AIG1: variants seen among roughly 807,000 people sequenced by gnomAD.
AIG1 encodes androgen induced 1.
AIG1 carries 23 observed loss-of-function variants against 31.4 expected under a neutral mutation model. The observed-to-expected ratio is 0.73, with a 90% CI of 0.53 to 1.04. AIG1 has a LOEUF of 1.04. AIG1 is among the 50% of genes least tolerant of loss of function. The probability of loss-of-function intolerance (pLI) is 0.00; values close to 1 mark genes in which losing one functional copy is unlikely to be tolerated. For missense variants in AIG1, 274 were observed against 295.0 expected (o/e 0.93, Z 0.52); for synonymous variants, 100 against 110.5 (o/e 0.90, Z 0.60).
intron 3 of AIG1, among the ~76,000 whole-genome samples, chr6:143,186,113 G>A (rs1789237328): frequency 6.6e-6 from 1 of 152,186 alleles, no homozygotes; most frequent in South Asian, 2.1e-4. Flanking sequence ...GCTGGGAGTG[G>A]ACCATTCAGG....
At chr6:143,185,065 G>A (rs1454979088) in intron 3 of AIG1, among the ~76,000 whole-genome samples, 3 of 151,894 alleles carry the variant, frequency 2.0e-5, no homozygotes, top group South Asian at 2.1e-4. Flanking sequence ...GTGTGGTGGT[G>A]CACGCCTGTA....
intron 2 of AIG1, among the ~76,000 whole-genome samples, chr6:143,155,737 T>C (rs933895702): frequency 1.3e-5 from 2 of 152,124 alleles, no homozygotes; most frequent in African/African-American, 4.8e-5. Context: ...ATACTTCAAG[T>C]GTGTGATGAG....
At chr6:143,295,260 C>T (rs1411673238) in intron 4 of AIG1, among the ~76,000 whole-genome samples, 1 of 152,146 alleles carries the variant, frequency 6.6e-6, no homozygotes, top group African/African-American at 2.4e-5. Flanking sequence ...CACTATGGTC[C>T]AAGCCTCAGT....
chr6:143,065,507 G>A (rs1434897884), intron 1 of AIG1, among the ~76,000 whole-genome samples: 1 of 152,058 alleles, frequency 6.6e-6, no homozygotes, highest in Non-Finnish European at 1.5e-5. Flanking sequence ...ATTATGCTGT[G>A]TGTTACATGA....
Position 143,256,301 on chromosome 6 carries a change from GGAAAAA to G in AIG1, c.400-27803_400-27798del, listed in dbSNP as rs1405384484. Among the ~76,000 whole-genome samples, 1 of 152,150 alleles carries G rather than the reference GGAAAAA, an allele frequency of 6.6e-6. No individual in the cohort carries two copies. Among genetic ancestry groups the G allele is most frequent in the Non-Finnish European group, 1.5e-5 (1 of 68,014 alleles). On this transcript the variant is annotated intron_variant, in intron 3 of 5. Transcript: ENST00000357847. The surrounding 1 kb of genome is among the most constrained non-coding windows in gnomAD (Gnocchi z 4.6). The stretch of plus-strand genomic sequence containing the variant: ...TAAGGAAAATTAGGATTTCTTAAGT[GGAAAAA>G]GAAAATCAATGATACTTTAAAAGTT...
intron 1 of AIG1, among the ~76,000 whole-genome samples, chr6:143,068,379 A>G (rs542691286): frequency 7.2e-5 from 11 of 152,208 alleles, no homozygotes; most frequent in Non-Finnish European, 1.3e-4. Flanking sequence ...TGCAGTCTGT[A>G]GTTAGACAGT....
chr6:143,140,903 G>C (rs1784191021), intron 2 of AIG1, among the ~76,000 whole-genome samples: 1 of 152,184 alleles, frequency 6.6e-6, no homozygotes, highest in Admixed American at 6.5e-5. Flanking sequence ...CAGAGCCTCA[G>C]CTTTGAGTCC....
intron 3 of AIG1, among the ~76,000 whole-genome samples, chr6:143,233,957 AATT>A (rs758598749): frequency 4.8e-4 from 73 of 152,292 alleles, no homozygotes; most frequent in Non-Finnish European, 9.1e-4. Flanking sequence ...CAAGTTAGTA[AATT>A]ATTAGAAAGT....
chr6:143,177,591 C>T (rs1788289408), intron 3 of AIG1, among the ~76,000 whole-genome samples: 2 of 152,216 alleles, frequency 1.3e-5, no homozygotes, highest in South Asian at 2.1e-4. Flanking sequence ...CTGTGAGTAC[C>T]TCAGTGGCCT....
At chr6:143,226,096 C>T (rs1002856206) in intron 3 of AIG1, among the ~76,000 whole-genome samples, 3 of 152,212 alleles carry the variant, frequency 2.0e-5, no homozygotes, top group East Asian at 3.9e-4. Flanking sequence ...TAGAGAAAAC[C>T]AGTCATCATT....
intron 1 of AIG1, among the ~76,000 whole-genome samples, chr6:143,132,558 T>A (rs771413397): frequency 1.3e-4 from 20 of 152,128 alleles, no homozygotes; most frequent in Non-Finnish European, 2.1e-4. Flanking sequence ...GATACGGTTT[T>A]CTTTGTGTGT....
intron 1 of AIG1, among the ~76,000 whole-genome samples, chr6:143,080,754 T>G (rs1778173474): frequency 6.6e-6 from 1 of 152,022 alleles, no homozygotes; most frequent in Admixed American, 6.6e-5. Context: ...GTCTGCTGGA[T>G]TTTCGGGTTC....
chr6:143,212,771 C>G (rs1791688671), intron 3 of AIG1, among the ~76,000 whole-genome samples: 1 of 152,078 alleles, frequency 6.6e-6, no homozygotes, highest in Non-Finnish European at 1.5e-5. Flanking sequence ...CTATTCAGAC[C>G]AAAACATAGG....
intron 3 of AIG1, chr6:143,190,254 T>C: frequency 1.0e-6 from 1 of 985,470 alleles, no homozygotes; most frequent in South Asian, 4.7e-5. Context: ...ACTTCTGATA[T>C]TTAATATCAT....
At chr6:143,143,258 A>G (rs1404242251) in intron 2 of AIG1, among the ~76,000 whole-genome samples, 3 of 151,630 alleles carry the variant, frequency 2.0e-5, no homozygotes, top group African/African-American at 4.8e-5. Flanking sequence ...ACTTAAAAAT[A>G]CACATTTTAA....
At chr6:143,115,747 T>G (rs1781680697) in intron 1 of AIG1, among the ~76,000 whole-genome samples, 1 of 152,228 alleles carries the variant, frequency 6.6e-6, no homozygotes, top group Admixed American at 6.5e-5. Flanking sequence ...ATCACAGGCT[T>G]ATTGACCATG....
intron 4 of AIG1, among the ~76,000 whole-genome samples, chr6:143,302,304 T>C (rs1022569362): frequency 6.6e-6 from 1 of 151,948 alleles, no homozygotes; most frequent in African/African-American, 2.4e-5. Flanking sequence ...ACATGTGCCA[T>C]GCTGGTGTGC....
chr6:143,119,226 G>T (rs1782031679), intron 1 of AIG1, among the ~76,000 whole-genome samples: 1 of 152,170 alleles, frequency 6.6e-6, no homozygotes, highest in African/African-American at 2.4e-5. Context: ...GCTATGTGGG[G>T]ATTGTAGATT....
chr6:143,115,419 T>C lies in AIG1; in HGVS notation c.142-21416T>C, dbSNP rs189694055. Among the ~76,000 whole-genome samples, 7 of 152,156 alleles carry C rather than the reference T, an allele frequency of 4.6e-5. No homozygotes were observed. The East Asian group carries it at 1.4e-3, about 29-fold the overall frequency. On this transcript the variant is annotated intron_variant, in intron 1 of 5. Coordinates refer to ENST00000357847, the MANE Select transcript of AIG1 (RefSeq NM_016108.4). The stretch of plus-strand genomic sequence containing the variant: ...TAGAGCCAGAATATTTGCATTTATT[T>C]ATTACTTATACCATGGTATTTATTT...
Sources: allele counts gnomAD v4.1 joint callset (sites outside exome capture counted in the v4.1 genomes callset), GRCh38; gene constraint gnomAD v4.1.1; non-coding constraint Gnocchi (gnomAD v3.1); transcripts MANE v1.5; gene names NCBI Gene and HGNC (gene_info 2026-07-23, HGNC 2026-07-21).